Variants in PIP5K1C observed in about 807,000 individuals in gnomAD.
PIP5K1C encodes phosphatidylinositol-4-phosphate 5-kinase type 1 gamma.
In PIP5K1C, 45 loss-of-function variants were observed where a neutral mutation model predicts 80.1. The observed-to-expected ratio is 0.56, with a 90% CI of 0.44 to 0.72. PIP5K1C has a LOEUF of 0.72. Among genes scored for constraint, PIP5K1C ranks in the 30% least tolerant of loss-of-function variants. PIP5K1C has a pLI of 0.00. For synonymous variants in PIP5K1C, 498 were observed against 420.1 expected, an observed-to-expected ratio of 1.19 and a Z score of -2.27; for missense variants, 753 against 954.6, an observed-to-expected ratio of 0.79 and a Z score of 2.78.
intron 1 of PIP5K1C, among the ~76,000 whole-genome samples, chr19:3,690,440 G>A (rs2035914026): frequency 6.7e-6 from 1 of 150,346 alleles, no homozygotes; most frequent in African/African-American, 2.5e-5. Context: ...CTACAATCGT[G>A]TCACTGAACT....
intron 1 of PIP5K1C, among the ~76,000 whole-genome samples, chr19:3,693,678 C>A (rs13346288): frequency 3.3e-5 from 5 of 152,070 alleles, no homozygotes; most frequent in Admixed American, 3.3e-4. Flanking sequence ...CATCTGTAAA[C>A]AAAGACCCAG....
chr19:3,655,440 A>T (rs536824172), intron 6 of PIP5K1C, among the ~76,000 whole-genome samples: 12 of 152,324 alleles, frequency 7.9e-5, no homozygotes, highest in South Asian at 4.1e-4. Flanking sequence ...AATAAATAAA[A>T]AAGTGGAGAA....
intron 12 of PIP5K1C, 71 bp downstream of exon 12, chr19:3,644,016 A>C (rs116119295): frequency 6.5e-7 from 1 of 1,549,418 alleles, no homozygotes; most frequent in Non-Finnish European, 8.8e-7. Flanking sequence ...ATGAGGCGGC[A>C]CCCCACCCAC....
At chr19:3,633,260 G>T in intron 17 of PIP5K1C, 91 bp from the exon 18 acceptor site, 1 of 698,642 alleles carries the variant, frequency 1.4e-6, no homozygotes, top group Non-Finnish European at 2.6e-6. Context: ...GCCAACACAG[G>T]CCCTGAGACA....
chr19:3,650,374 TG>T (rs1174667631), intron 8 of PIP5K1C, among the ~76,000 whole-genome samples: 1 of 152,262 alleles, frequency 6.6e-6, no homozygotes, highest in Non-Finnish European at 1.5e-5. Flanking sequence ...GGCTCGGGCC[TG>T]CCCCCACTGT....
chr19:3,669,185 G>A (rs1438702275), intron 1 of PIP5K1C, among the ~76,000 whole-genome samples: 3 of 152,194 alleles, frequency 2.0e-5, no homozygotes, highest in African/African-American at 7.2e-5. Context: ...GGCCCTCAAA[G>A]GGGATTATTA....
intron 2 of PIP5K1C, among the ~76,000 whole-genome samples, chr19:3,666,532 C>T (rs1372786052): frequency 6.6e-6 from 1 of 152,164 alleles, no homozygotes; most frequent in South Asian, 2.1e-4. Flanking sequence ...CGTGTACATA[C>T]GCACGCAGGC....
intron 8 of PIP5K1C, 32 bp downstream of exon 8, chr19:3,651,794 G>A (rs371679359): frequency 8.9e-4 from 1,415 of 1,596,304 alleles, no homozygotes; most frequent in Non-Finnish European, 1.1e-3. Flanking sequence ...GAAGGGAAGC[G>A]GGACGGGTCC....
chr19:3,693,894 C>A (rs775631157), intron 1 of PIP5K1C, among the ~76,000 whole-genome samples: 1 of 152,092 alleles, frequency 6.6e-6, no homozygotes. Flanking sequence ...CATAGTGAGA[C>A]CTCACCTCTA....
At chr19:3,638,061 C>T in intron 16 of PIP5K1C, 1 of 1,464,270 alleles carries the variant, frequency 6.8e-7, no homozygotes, top group Non-Finnish European at 9.0e-7. Context: ...GCCCCCACAA[C>T]AGGCCCTAAG....
chr19:3,637,288 G>A lies in PIP5K1C; in HGVS notation c.1920+1596C>T. 1 of 1,492,612 alleles carries A rather than the reference G, an allele frequency of 6.7e-7. No homozygotes were observed. Among genetic ancestry groups the A allele is most frequent in the Admixed American group, 2.1e-5 (1 of 47,320 alleles). 92.5% of individuals were successfully genotyped at this position (1,492,612 alleles called of 1,614,324 possible). On this transcript the variant is annotated intron_variant, in intron 16 of 17. Coordinates refer to ENST00000335312, the MANE Select transcript of PIP5K1C (RefSeq NM_012398.3). The surrounding 1 kb of genome is among the most constrained non-coding windows in gnomAD (Gnocchi z 7.0). ...GACCCTGGGCCTCAGCTGTGCACCT[G>A]GTGATGGTGCTGCCCTATGGAGCGC...
intron 7 of PIP5K1C, among the ~76,000 whole-genome samples, chr19:3,652,374 C>T (rs555003074): frequency 3.3e-5 from 5 of 152,378 alleles, no homozygotes; most frequent in South Asian, 2.1e-4. Flanking sequence ...TGGGCAAGGA[C>T]GTGCCCGGCC....
chr19:3,677,175 T>G (rs1430403963), intron 1 of PIP5K1C, among the ~76,000 whole-genome samples: 1 of 152,144 alleles, frequency 6.6e-6, no homozygotes. Context: ...AATGCCTTAA[T>G]GTCAACCACA....
At chr19:3,700,238 C>T (rs2036254950) in intron 1 of PIP5K1C, 59 bp downstream of exon 1, 6 of 991,894 alleles carry the variant, frequency 6.0e-6, no homozygotes, top group Non-Finnish European at 7.5e-6. Flanking sequence ...CGCAGCCCCG[C>T]GACTCTCGGC....
intron 14 of PIP5K1C, among the ~76,000 whole-genome samples, chr19:3,642,185 C>T (rs1436844974): frequency 3.9e-5 from 6 of 152,210 alleles, no homozygotes; most frequent in Admixed American, 6.5e-5. Flanking sequence ...CCAAATGGCA[C>T]GCTAGACTGC....
chr19:3,699,552 G>C (rs1331557207), intron 1 of PIP5K1C, among the ~76,000 whole-genome samples: 1 of 152,202 alleles, frequency 6.6e-6, no homozygotes, highest in African/African-American at 2.4e-5. Context: ...TGTGAATCCG[G>C]AAACTTCCGA....
At position 3,643,309 on chromosome 19, in the gene PIP5K1C, A is replaced by G. The variant is rs752888493; in HGVS notation, c.1583T>C (p.Leu528Pro). Residue 528 changes from leucine (L) to proline (P), a missense_variant, in exon 13 of 18, where the codon CTG becomes CCG. Transcript: ENST00000335312. ...EATTASIATT[L>P]SSTSLSIPER... ...AGGAATGGAGAGGGATGTGGATGAC[A>G]GAGTCGTGGCAATGGAGGCTGTAGT... is the stretch of plus-strand genomic sequence containing the variant. The G allele has an allele frequency of 6.2e-7, 1 of 1,613,996 alleles. No individual in the cohort carries two copies. Among genetic ancestry groups the G allele is most frequent in the East Asian group, 2.2e-5 (1 of 44,884 alleles).
chr19:3,637,694 TGG>T lies in PIP5K1C; in HGVS notation c.1920+1188_1920+1189del. The T allele has an allele frequency of 1.4e-6, 2 of 1,469,448 alleles. No homozygotes were observed. Among genetic ancestry groups the T allele is most frequent in the Middle Eastern group, 2.3e-4 (1 of 4,276 alleles). 91.0% of individuals were successfully genotyped at this position (1,469,448 alleles called of 1,614,324 possible). ...TGAGGCGGCCACCCCCGTGGTCGGG[TGG>T]GAGAGGCGGAGGGAGGTGGCGGGGA... On this transcript the variant is annotated intron_variant, in intron 16 of 17. Coordinates refer to ENST00000335312, the MANE Select transcript of PIP5K1C (RefSeq NM_012398.3). The surrounding 1 kb of genome is among the most constrained non-coding windows in gnomAD (Gnocchi z 7.0).
At position 3,662,014 on chromosome 19, in the gene PIP5K1C, CAG is replaced by C; in HGVS notation, c.220-15_220-14del. 6.3e-7 allele frequency: 1 copy of C among 1,579,612 alleles called. No homozygotes were observed. Among genetic ancestry groups the C allele is most frequent in the Non-Finnish European group, 8.6e-7 (1 of 1,165,734 alleles). ...TGGAGGAGGTGGTCTGCAGGGAGAC[CAG>C]AGTGTCAGGGCCCCCGGCTGCTCCC... On this transcript the variant is annotated splice_polypyrimidine_tract_variant and intron_variant, in intron 3 of 17. Transcript: ENST00000335312.
Sources: gnomAD v4.1 joint callset for allele counts (sites outside exome capture counted in the v4.1 genomes callset) on GRCh38, gnomAD v4.1.1 for gene constraint, Gnocchi (gnomAD v3.1) non-coding constraint, MANE v1.5 for transcripts, NCBI Gene and HGNC (gene_info 2026-07-23, HGNC 2026-07-21) for gene names.